Variants in MBD5 observed in about 807,000 individuals in gnomAD.
The protein encoded by MBD5 is methyl-CpG binding domain protein 5.
A neutral mutation model predicts 117.3 loss-of-function variants in MBD5; 13 were observed. The ratio of observed to expected loss-of-function variants is 0.11; its 90% CI spans 0.07 to 0.18. MBD5 has a LOEUF of 0.18. Among genes scored for constraint, MBD5 ranks in the 10% least tolerant of loss-of-function variants. The pLI, the probability that MBD5 is intolerant of heterozygous loss-of-function variation, is 1.00. For missense variants in MBD5, 1,879 were observed against 2,093.8 expected (o/e 0.90, Z 2.00); for synonymous variants, 727 against 766.4 (o/e 0.95, Z 0.85).
At chr2:148,508,874 A>G (rs993810725) in intron 12 of MBD5, among the ~76,000 whole-genome samples, 1 of 152,220 alleles carries the variant, frequency 6.6e-6, no homozygotes, top group Non-Finnish European at 1.5e-5. Flanking sequence ...TATAGAACTC[A>G]GGGGTGGAAA....
intron 4 of MBD5, among the ~76,000 whole-genome samples, chr2:148,369,876 A>G (rs1365200342): frequency 1.3e-5 from 2 of 152,116 alleles, no homozygotes; most frequent in Non-Finnish European, 2.9e-5. Flanking sequence ...TTTTAAGTGA[A>G]TGCACTTAGG....
At chr2:148,092,670 G>T (rs1695972148) in intron 1 of MBD5, among the ~76,000 whole-genome samples, 1 of 152,034 alleles carries the variant, frequency 6.6e-6, no homozygotes, top group African/African-American at 2.4e-5. Flanking sequence ...CAGGAGTAAG[G>T]GTTGGGGGGT....
chr2:148,270,115 C>G (rs1287961526), intron 3 of MBD5, among the ~76,000 whole-genome samples: 1 of 151,664 alleles, frequency 6.6e-6, no homozygotes, highest in African/African-American at 2.4e-5. Flanking sequence ...CTTTCTTTTT[C>G]TCTTCACTGT....
chr2:148,122,817 A>G (rs1357975964), intron 1 of MBD5, among the ~76,000 whole-genome samples: 1 of 152,194 alleles, frequency 6.6e-6, no homozygotes, highest in Non-Finnish European at 1.5e-5. Context: ...TAGCCTTTGT[A>G]AACTGTGAAA....
chr2:148,204,417 G>T (rs796720994), intron 2 of MBD5, among the ~76,000 whole-genome samples: 4 of 152,212 alleles, frequency 2.6e-5, no homozygotes, highest in African/African-American at 9.6e-5. Context: ...GAGTAGAAAA[G>T]AATGAATTAT....
At chr2:148,178,952 A>G (rs1558960393) in intron 2 of MBD5, among the ~76,000 whole-genome samples, 159 bp downstream of exon 2, 1 of 152,234 alleles carries the variant, frequency 6.6e-6, no homozygotes, top group African/African-American at 2.4e-5. Flanking sequence ...TTTTTATTCC[A>G]TAATATCATC....
intron 1 of MBD5, among the ~76,000 whole-genome samples, chr2:148,077,379 A>T (rs1177034999): frequency 6.6e-6 from 1 of 152,118 alleles, no homozygotes; most frequent in Non-Finnish European, 1.5e-5. Context: ...AGATGGCCAG[A>T]CTCTTAAATG....
Position 148,470,099 on chromosome 2 carries a change from G to A in MBD5, c.2156G>A (p.Ser719Asn), listed in dbSNP as rs756877490. 3 of 1,613,832 alleles carry A rather than the reference G, an allele frequency of 1.9e-6. No homozygotes were observed. Among genetic ancestry groups the A allele is most frequent in the Non-Finnish European group, 8.5e-7 (1 of 1,179,888 alleles). The part of the protein sequence containing the change: ...SCQSSHLSSN[S>N]TPGCGASNTA... The stretch of plus-strand genomic sequence containing the variant: ...CAAAGCTCTCACTTGAGTAGCAATA[G>A]TACCCCGGGTTGTGGGGCCTCAAAT... The change falls in exon 8 of 14, where the codon AGT becomes AAT. Residue 719 changes from serine to asparagine, a missense_variant. By Grantham distance (46) the Ser-to-Asn change is conservative (BLOSUM62 1). This residue lies in a region of MBD5 where 1,666 missense variants were observed against 1,792.2 expected (regional missense o/e 0.93). Transcript: ENST00000642680.
intron 2 of MBD5, among the ~76,000 whole-genome samples, chr2:148,227,355 A>T (rs571931797): frequency 1.3e-5 from 2 of 152,292 alleles, no homozygotes; most frequent in Admixed American, 1.3e-4. Context: ...TCCCAGCATC[A>T]TTTATTAAAT....
intron 1 of MBD5, among the ~76,000 whole-genome samples, chr2:148,101,521 G>A (rs1254614607): frequency 2.0e-5 from 3 of 152,072 alleles, no homozygotes; most frequent in Middle Eastern, 3.2e-3. Context: ...AATTAAAATA[G>A]TGATAAAACT....
At chr2:148,285,826 C>T (rs1226379607) in intron 3 of MBD5, among the ~76,000 whole-genome samples, 3 of 151,932 alleles carry the variant, frequency 2.0e-5, no homozygotes, top group South Asian at 4.2e-4. Context: ...CCCAAAGTGC[C>T]GGGATTACAG....
chr2:148,321,133 G>A (rs1702271992), intron 3 of MBD5, among the ~76,000 whole-genome samples: 1 of 152,126 alleles, frequency 6.6e-6, no homozygotes, highest in Non-Finnish European at 1.5e-5. Flanking sequence ...AGCATGTATT[G>A]CATTTCTGTA....
chr2:148,486,053 C>G, intron 10 of MBD5, 103 bp downstream of exon 10: 1 of 1,002,180 alleles, frequency 1.0e-6, no homozygotes, highest in East Asian at 2.4e-5. Flanking sequence ...CGTGCCCTTT[C>G]ACCTCTATTT....
At chr2:148,079,786 G>A (rs1695599231) in intron 1 of MBD5, among the ~76,000 whole-genome samples, 1 of 151,908 alleles carries the variant, frequency 6.6e-6, no homozygotes, top group South Asian at 2.1e-4. Context: ...AACCCCGGGA[G>A]GCGGAGGTTG....
chr2:148,167,119 A>G (rs1383554295), intron 1 of MBD5, among the ~76,000 whole-genome samples: 2 of 152,304 alleles, frequency 1.3e-5, no homozygotes, highest in South Asian at 2.1e-4. Context: ...TTATATGCTA[A>G]TTTTAATCCT....
Position 148,490,362 on chromosome 2 carries a change from G to A in MBD5, c.4730G>A (p.Ser1577Asn), listed in dbSNP as rs755214586. Residue 1577 changes from serine to asparagine, a missense_variant, in exon 11 of 14, where the codon AGC (serine) becomes AAC (asparagine). Physicochemically the swap from Ser to Asn is conservative, Grantham distance 46 (BLOSUM62 1). Coordinates refer to ENST00000642680, the MANE Select transcript of MBD5 (RefSeq NM_001378120.1). ...TACAATGGAGACTTTAATGCCAAAAGCGTTAATGGGTGTGTGCCTAGCCCT... is the reference window on the plus strand; with the variant it reads ...TACAATGGAGACTTTAATGCCAAAAACGTTAATGGGTGTGTGCCTAGCCCT... ...IHYNGDFNAK[S>N]VNGCVPSPSD... 2.5e-6 allele frequency: 4 copies of A among 1,614,050 alleles called. No homozygotes were observed. The East Asian group carries it at 6.7e-5, about 27-fold the overall frequency.
chr2:148,147,827 T>G (rs112254855), intron 1 of MBD5, among the ~76,000 whole-genome samples: 2 of 152,126 alleles, frequency 1.3e-5, no homozygotes, highest in African/African-American at 4.8e-5. Flanking sequence ...GCAGACTGTT[T>G]ACTACTCTGT....
At chr2:148,412,517 G>C (rs1230162740) in intron 4 of MBD5, among the ~76,000 whole-genome samples, 2 of 151,908 alleles carry the variant, frequency 1.3e-5, no homozygotes, top group Admixed American at 1.3e-4. Context: ...AGTTTTGTAG[G>C]AATAGCATTG....
At chr2:148,498,977 AT>A (rs1156235735) in intron 11 of MBD5, among the ~76,000 whole-genome samples, 1 of 152,170 alleles carries the variant, frequency 6.6e-6, no homozygotes, top group African/African-American at 2.4e-5. Context: ...AACAATTTGA[AT>A]GAAAGAAGAG....
Sources: allele counts gnomAD v4.1 joint callset (sites outside exome capture counted in the v4.1 genomes callset), GRCh38; gene constraint gnomAD v4.1.1; regional missense constraint gnomAD v4.1.1; transcripts MANE v1.5; gene names NCBI Gene and HGNC (gene_info 2026-07-23, HGNC 2026-07-21).